COMMD10: variants seen among roughly 807,000 people sequenced by gnomAD.
COMMD10 encodes COMM domain-containing protein 10.
In COMMD10, 33 loss-of-function variants were observed where a neutral mutation model predicts 28.9. The observed-to-expected ratio is 1.14, with a 90% CI of 0.87 to 1.53. COMMD10 has a LOEUF of 1.53. COMMD10 is among the 40% of genes most tolerant of loss of function. COMMD10 has a pLI of 0.00. For synonymous variants in COMMD10, 110 were observed against 81.7 expected, an observed-to-expected ratio of 1.35 and a Z score of -1.87; for missense variants, 310 against 233.4, an observed-to-expected ratio of 1.33 and a Z score of -2.14.
intron 5 of COMMD10, chr5:116,218,345 G>C: frequency 1.6e-6 from 1 of 644,854 alleles, no homozygotes; most frequent in Non-Finnish European, 2.9e-6. Context: ...GTAGGATGCA[G>C]AGGCATGTGG....
chr5:116,126,270 A>T (rs1751634031), intron 4 of COMMD10, among the ~76,000 whole-genome samples: 2 of 152,350 alleles, frequency 1.3e-5, no homozygotes, highest in South Asian at 4.1e-4. Flanking sequence ...CAACGAAATG[A>T]AAGAGGACAC....
chr5:116,286,977 T>C (rs1751234475), intron 5 of COMMD10, among the ~76,000 whole-genome samples: 1 of 151,854 alleles, frequency 6.6e-6, no homozygotes, highest in African/African-American at 2.4e-5. Context: ...TATTGTGTTG[T>C]TGTCAAATTT....
chr5:116,110,553 A>T (rs1032265967), intron 4 of COMMD10, among the ~76,000 whole-genome samples: 2 of 152,140 alleles, frequency 1.3e-5, no homozygotes, highest in Admixed American at 6.5e-5. Context: ...TTATTGGTCT[A>T]TTCAGGCTTT....
At chr5:116,243,072 C>G (rs1191511866) in intron 5 of COMMD10, among the ~76,000 whole-genome samples, 1 of 152,044 alleles carries the variant, frequency 6.6e-6, no homozygotes, top group Non-Finnish European at 1.5e-5. Flanking sequence ...AGAGCACAGC[C>G]TGAAGTGATT....
At chr5:116,158,567 C>T (rs144657817) in intron 5 of COMMD10, among the ~76,000 whole-genome samples, 1 of 145,574 alleles carries the variant, frequency 6.9e-6, no homozygotes, top group African/African-American at 2.5e-5. Flanking sequence ...GCCTTGATCT[C>T]TTAGGTTCAA....
intron 4 of COMMD10, among the ~76,000 whole-genome samples, chr5:116,126,550 C>A (rs1271643724): frequency 6.6e-6 from 1 of 151,896 alleles, no homozygotes; most frequent in Non-Finnish European, 1.5e-5. Flanking sequence ...GTAACCAAAA[C>A]AGCATGGTAC....
chr5:116,229,960 G>GCC (rs576020042), intron 5 of COMMD10, among the ~76,000 whole-genome samples: 1 of 149,604 alleles, frequency 6.7e-6, no homozygotes, highest in Non-Finnish European at 1.5e-5. Flanking sequence ...TCATACCTGA[G>GCC]CCCCCCCAAA....
rs1326639986 is a variant in COMMD10 at position 116,087,546 on chromosome 5, C to T, written c.91C>T (p.Pro31Ser). 1 of 1,612,666 alleles carries T rather than the reference C, an allele frequency of 6.2e-7. No individual in the cohort carries two copies. The highest frequency in any genetic ancestry group is 1.3e-5 in the African/African-American group (1 of 74,898). ...AAATGCAATAGATACAGGAAGATTT[C>T]CACGGTTGCTCACTCGGATTCTTCA... ...LINAIDTGRFPRLLTRILQKL... is the reference protein window; with the variant it reads ...LINAIDTGRFSRLLTRILQKL... Residue 31 changes from proline (P) to serine (S), a missense_variant, in exon 2 of 7, where the codon CCA (proline) becomes TCA (serine). Transcript: ENST00000274458.
At chr5:116,241,098 A>G (rs1161235769) in intron 5 of COMMD10, among the ~76,000 whole-genome samples, 1 of 152,198 alleles carries the variant, frequency 6.6e-6, no homozygotes, top group African/African-American at 2.4e-5. Flanking sequence ...AGAGGTTTCC[A>G]TTCCTAGGTC....
intron 5 of COMMD10, among the ~76,000 whole-genome samples, chr5:116,175,099 G>A (rs1233333095): frequency 6.6e-6 from 1 of 151,894 alleles, no homozygotes; most frequent in Non-Finnish European, 1.5e-5. Flanking sequence ...CATTCAGAGT[G>A]GACTTTTCTC....
At chr5:116,106,312 C>T (rs1358741320) in intron 4 of COMMD10, among the ~76,000 whole-genome samples, 1 of 152,106 alleles carries the variant, frequency 6.6e-6, no homozygotes, top group Non-Finnish European at 1.5e-5. Context: ...GTTTCTTAAT[C>T]TTGAGTCTAA....
intron 5 of COMMD10, among the ~76,000 whole-genome samples, chr5:116,162,337 TTAAG>T (rs1288701234): frequency 1.3e-5 from 2 of 152,060 alleles, no homozygotes; most frequent in Non-Finnish European, 2.9e-5. Flanking sequence ...AGCATGCACC[TTAAG>T]TAGTTTCATT....
At chr5:116,202,445 C>T (rs1748694838) in intron 5 of COMMD10, among the ~76,000 whole-genome samples, 1 of 151,894 alleles carries the variant, frequency 6.6e-6, no homozygotes, top group African/African-American at 2.4e-5. Context: ...GTTCTAGATC[C>T]CTGAGGAATC....
chr5:116,167,577 G>A (rs752197235), intron 5 of COMMD10, among the ~76,000 whole-genome samples: 13 of 152,188 alleles, frequency 8.5e-5, no homozygotes, highest in Non-Finnish European at 1.8e-4. Context: ...CGGAAAAAAT[G>A]TTAAGGGCAG....
intron 4 of COMMD10, among the ~76,000 whole-genome samples, chr5:116,098,999 C>T (rs931193036): frequency 6.6e-6 from 1 of 152,148 alleles, no homozygotes; most frequent in African/African-American, 2.4e-5. Flanking sequence ...TTAAGATCTA[C>T]TGTCTTTGAA....
At chr5:116,190,727 G>A (rs1479141781) in intron 5 of COMMD10, among the ~76,000 whole-genome samples, 2 of 152,090 alleles carry the variant, frequency 1.3e-5, no homozygotes, top group Non-Finnish European at 2.9e-5. Flanking sequence ...TATTAACAAG[G>A]AAAGCAACTA....
At chr5:116,112,434 G>T (rs1172335502) in intron 4 of COMMD10, among the ~76,000 whole-genome samples, 10 of 151,822 alleles carry the variant, frequency 6.6e-5, no homozygotes, top group African/African-American at 2.2e-4. Context: ...GTCGCGTGCT[G>T]TCGCCAAGCT....
chr5:116,086,189 AG>A (rs1271048462), intron 1 of COMMD10, among the ~76,000 whole-genome samples: 1 of 152,214 alleles, frequency 6.6e-6, no homozygotes, highest in Non-Finnish European at 1.5e-5. Context: ...CCATATGGAG[AG>A]GACATTTCTT....
At chr5:116,218,090 G>C in intron 5 of COMMD10, 1 of 1,305,422 alleles carries the variant, frequency 7.7e-7, no homozygotes, top group Non-Finnish European at 1.1e-6. Context: ...ATTTTCTGCA[G>C]GGTTATTCCC....
Sources: allele counts gnomAD v4.1 joint callset (sites outside exome capture counted in the v4.1 genomes callset), GRCh38; gene constraint gnomAD v4.1.1; transcripts MANE v1.5; gene names NCBI Gene and HGNC (gene_info 2026-07-23, HGNC 2026-07-21).